DGUOK: variants seen among roughly 807,000 people sequenced by gnomAD.
The protein encoded by DGUOK is deoxyguanosine kinase, also known as deoxyguanosine kinase, mitochondrial.
DGUOK carries 30 observed loss-of-function variants against 36.6 expected under a neutral mutation model. The ratio of observed to expected loss-of-function variants is 0.82; its 90% CI spans 0.61 to 1.11. DGUOK has a LOEUF of 1.11. Among genes scored for constraint, DGUOK ranks in the 50% most tolerant of loss-of-function variants. The pLI is 0.00. For synonymous variants in DGUOK, 145 were observed against 126.3 expected (o/e 1.15, Z -0.99); for missense variants, 361 against 336.4 (o/e 1.07, Z -0.57).
chr2:73,955,449 T>A (rs936981459), intron 4 of DGUOK, among the ~76,000 whole-genome samples: 8 of 152,350 alleles, frequency 5.3e-5, no homozygotes, highest in Admixed American at 4.6e-4. Context: ...TTAATAAAAT[T>A]TGTTTCTATA....
chr2:73,946,932 C>T, intron 3 of DGUOK, 26 bp downstream of exon 3: 2 of 1,592,248 alleles, frequency 1.3e-6, no homozygotes, highest in South Asian at 1.1e-5. Flanking sequence ...CTCCACCAGT[C>T]ACAAGCCCCA....
intron 1 of DGUOK, among the ~76,000 whole-genome samples, chr2:73,933,908 T>A (rs1681250886): frequency 6.6e-6 from 1 of 152,224 alleles, no homozygotes; most frequent in Non-Finnish European, 1.5e-5. Flanking sequence ...AAATAAAGAC[T>A]TCAATTTTTT....
At chr2:73,958,519 A>G (rs1301755712) in intron 6 of DGUOK, among the ~76,000 whole-genome samples, 191 bp from the exon 7 acceptor site, 1 of 152,172 alleles carries the variant, frequency 6.6e-6, no homozygotes, top group African/African-American at 2.4e-5. Flanking sequence ...AAATGAGACT[A>G]CTGGATTCTA....
At chr2:73,945,953 G>T (rs1046778488) in intron 2 of DGUOK, among the ~76,000 whole-genome samples, 4 of 152,080 alleles carry the variant, frequency 2.6e-5, no homozygotes, top group African/African-American at 9.6e-5. Context: ...AACTCGGCTG[G>T]GGTGGGGAGG....
At chr2:73,941,915 T>C (rs74408334) in intron 2 of DGUOK, among the ~76,000 whole-genome samples, 80,129 of 147,302 alleles carry the variant, frequency 0.54, 22,576 homozygotes, top group Non-Finnish European at 0.62. Flanking sequence ...TTTTCTTTTT[T>C]TTTTTTTTTT....
intron 3 of DGUOK, chr2:73,947,587 C>G (rs1418095964): frequency 6.3e-6 from 1 of 157,922 alleles, no homozygotes; most frequent in Non-Finnish European, 1.4e-5. Flanking sequence ...CTAGCAGCAC[C>G]CTGGGAAGTG....
chr2:73,938,420 T>C (rs1681640175), intron 1 of DGUOK, among the ~76,000 whole-genome samples: 1 of 152,238 alleles, frequency 6.6e-6, no homozygotes, highest in Non-Finnish European at 1.5e-5. Context: ...GTGTTTTGTT[T>C]ACCATTGTAC....
intron 4 of DGUOK, among the ~76,000 whole-genome samples, chr2:73,952,853 G>A (rs1682796882): frequency 6.6e-6 from 1 of 152,142 alleles, no homozygotes; most frequent in African/African-American, 2.4e-5. Context: ...TGTGCACTCT[G>A]AATGACCTTA....
chr2:73,927,219 C>T (rs1394597921), intron 1 of DGUOK, among the ~76,000 whole-genome samples, 167 bp downstream of exon 1: 4 of 152,186 alleles, frequency 2.6e-5, no homozygotes, highest in Admixed American at 2.0e-4. Flanking sequence ...ATCTTTGCCT[C>T]CTTGTTTTTA....
At chr2:73,954,094 C>A (rs1682913249) in intron 4 of DGUOK, among the ~76,000 whole-genome samples, 1 of 152,104 alleles carries the variant, frequency 6.6e-6, no homozygotes. Flanking sequence ...GCAATGCCAG[C>A]ACTTTGGGAG....
chr2:73,936,634 A>G (rs1173639918), intron 1 of DGUOK, among the ~76,000 whole-genome samples: 1 of 152,182 alleles, frequency 6.6e-6, no homozygotes, highest in East Asian at 1.9e-4. Flanking sequence ...GAGAAAGATT[A>G]CTTCTGATAG....
At chr2:73,957,464 C>G (rs1683198531) in intron 5 of DGUOK, among the ~76,000 whole-genome samples, 1 of 152,110 alleles carries the variant, frequency 6.6e-6, no homozygotes, top group Non-Finnish European at 1.5e-5. Flanking sequence ...CACCTGAGGT[C>G]AGGATTCAAG....
chr2:73,935,287 A>G (rs1208713762), intron 1 of DGUOK, among the ~76,000 whole-genome samples: 1 of 152,206 alleles, frequency 6.6e-6, no homozygotes, highest in East Asian at 1.9e-4. Context: ...AAATTGCAGT[A>G]AGTCTGAGAT....
chr2:73,941,076 A>C (rs1681868083), intron 2 of DGUOK, among the ~76,000 whole-genome samples: 1 of 152,224 alleles, frequency 6.6e-6, no homozygotes, highest in African/African-American at 2.4e-5. Flanking sequence ...TTTCTAGGGT[A>C]GGTCATAAGA....
intron 3 of DGUOK, among the ~76,000 whole-genome samples, chr2:73,950,245 T>C (rs1175573638): frequency 6.6e-6 from 1 of 152,184 alleles, no homozygotes; most frequent in Non-Finnish European, 1.5e-5. Flanking sequence ...TTACATATAT[T>C]TGCTGTATGT....
intron 4 of DGUOK, among the ~76,000 whole-genome samples, chr2:73,951,204 C>G (rs997389916): frequency 6.6e-6 from 1 of 152,092 alleles, no homozygotes; most frequent in South Asian, 2.1e-4. Flanking sequence ...ATTGGGAAGG[C>G]AGGATGGACT....
In DGUOK at chr2:73,926,907, T is replaced by A; in HGVS notation, c.-4T>A. 1 of 1,613,318 alleles carries A rather than the reference T, an allele frequency of 6.2e-7. No individual in the cohort carries two copies. Among genetic ancestry groups the A allele is most frequent in the Non-Finnish European group, 8.5e-7 (1 of 1,179,984 alleles). On this transcript the variant is annotated 5_prime_UTR_variant, in exon 1 of 7. Coordinates refer to ENST00000264093, the MANE Select transcript of DGUOK (RefSeq NM_080916.3). ...AAGTGATCGCTGTGTGAATCGTGGG[T>A]GGGATGGCCGCGGGCCGCCTCTTTC...
intron 4 of DGUOK, among the ~76,000 whole-genome samples, chr2:73,956,800 T>A (rs773321522): frequency 6.6e-6 from 1 of 151,936 alleles, no homozygotes; most frequent in East Asian, 1.9e-4. Context: ...TCTAGAGAGA[T>A]GAAAGAGAAT....
intron 4 of DGUOK, among the ~76,000 whole-genome samples, chr2:73,956,002 G>A (rs1477104818): frequency 1.3e-5 from 2 of 152,182 alleles, no homozygotes; most frequent in Non-Finnish European, 2.9e-5. Context: ...ACAAACATTT[G>A]GAGCAAAAAT....
Sources: gnomAD v4.1 joint callset for allele counts (sites outside exome capture counted in the v4.1 genomes callset) on GRCh38, gnomAD v4.1.1 for gene constraint, MANE v1.5 for transcripts, NCBI Gene and HGNC (gene_info 2026-07-23, HGNC 2026-07-21) for gene names.